TAFA1: variants seen among roughly 807,000 people sequenced by gnomAD.
TAFA1 encodes the protein chemokine-like protein TAFA-1.
A neutral mutation model predicts 18.5 loss-of-function variants in TAFA1; 4 were observed. The observed-to-expected ratio is 0.22, with a 90% CI of 0.11 to 0.49. The LOEUF is 0.49. Ranked by LOEUF, TAFA1 falls within the 20% of genes least tolerant of loss-of-function variation. TAFA1 has a pLI of 0.98. For synonymous variants in TAFA1, 56 were observed against 55.2 expected, an observed-to-expected ratio of 1.01 and a Z score of -0.06; for missense variants, 147 against 169.0, an observed-to-expected ratio of 0.87 and a Z score of 0.72.
At chr3:68,458,959 A>G (rs1014710604) in intron 3 of TAFA1, among the ~76,000 whole-genome samples, 1 of 152,144 alleles carries the variant, frequency 6.6e-6, no homozygotes, top group South Asian at 2.1e-4. Flanking sequence ...CATCTGTGGG[A>G]GAGGCAGGGC....
At chr3:68,469,328 A>G (rs1434087522) in intron 3 of TAFA1, among the ~76,000 whole-genome samples, 1 of 152,118 alleles carries the variant, frequency 6.6e-6, no homozygotes, top group Non-Finnish European at 1.5e-5. Flanking sequence ...AGTATAATTC[A>G]TCTCCCATTT....
rs72923458 is a variant in TAFA1, at chr3:68,516,551, T to C, written c.260-22205T>C. Among the ~76,000 whole-genome samples, 977 of 152,318 alleles carry C rather than the reference T, an allele frequency of 6.4e-3. 10 individuals carry two copies. The highest frequency in any genetic ancestry group is 0.023 in the African/African-American group (936 of 41,572). ...GCTTAGTTCTTGAATTGGATCTAAATAAAAGTGATCTTGGATTGAAAGCTA... is the reference window on the plus strand; with the variant it reads ...GCTTAGTTCTTGAATTGGATCTAAACAAAAGTGATCTTGGATTGAAAGCTA... On this transcript the variant is annotated intron_variant, in intron 3 of 4. Coordinates refer to ENST00000478136, the MANE Select transcript of TAFA1 (RefSeq NM_213609.4).
chr3:68,111,522 G>A (rs2065261654), intron 2 of TAFA1, among the ~76,000 whole-genome samples: 1 of 151,986 alleles, frequency 6.6e-6, no homozygotes, highest in Non-Finnish European at 1.5e-5. Context: ...AATTAATTAT[G>A]AATATAAATG....
intron 2 of TAFA1, among the ~76,000 whole-genome samples, chr3:68,155,971 G>A (rs532529088): frequency 6.6e-6 from 1 of 152,158 alleles, no homozygotes; most frequent in East Asian, 1.9e-4. Context: ...GCAGGCAGGT[G>A]GTTGCAATAA....
rs1223472373 is a variant in TAFA1, at chr3:68,049,677, T to C, written c.118+42933T>C. On this transcript the variant is annotated intron_variant, in intron 2 of 4. Coordinates refer to ENST00000478136, the MANE Select transcript of TAFA1 (RefSeq NM_213609.4). ...GCAAAGGAGGTGTACAGATGTTAATTTCTACGACTGGAGAGAGGAAAGTTT... is the reference window on the plus strand; with the variant it reads ...GCAAAGGAGGTGTACAGATGTTAATCTCTACGACTGGAGAGAGGAAAGTTT... Among the ~76,000 whole-genome samples, 6 of 151,764 alleles carry C rather than the reference T, an allele frequency of 4.0e-5. No homozygotes were observed. The East Asian group carries it at 1.2e-3, about 30-fold the overall frequency.
chr3:68,062,136 T>C (rs1575596801), intron 2 of TAFA1, among the ~76,000 whole-genome samples: 2 of 152,338 alleles, frequency 1.3e-5, no homozygotes, highest in South Asian at 4.1e-4. Flanking sequence ...TCTTTAATAA[T>C]CTTATTTTTG....
At chr3:68,431,225 G>A (rs1209142208) in intron 3 of TAFA1, among the ~76,000 whole-genome samples, 1 of 151,920 alleles carries the variant, frequency 6.6e-6, no homozygotes, top group African/African-American at 2.4e-5. Flanking sequence ...AGAGATGATG[G>A]AGAAATGGCT....
intron 2 of TAFA1, among the ~76,000 whole-genome samples, chr3:68,306,210 A>G (rs1456161759): frequency 6.6e-6 from 1 of 152,198 alleles, no homozygotes; most frequent in African/African-American, 2.4e-5. Context: ...CTAGTGTGTG[A>G]CCTTCATGGT....
chr3:68,396,361 T>A (rs1337284285), intron 2 of TAFA1, among the ~76,000 whole-genome samples: 1 of 152,164 alleles, frequency 6.6e-6, no homozygotes, highest in African/African-American at 2.4e-5. Flanking sequence ...TCCAGAAGTA[T>A]CCCTGGTGTC....
At chr3:68,384,096 G>A (rs552902680) in intron 2 of TAFA1, among the ~76,000 whole-genome samples, 1 of 151,980 alleles carries the variant, frequency 6.6e-6, no homozygotes, top group South Asian at 2.1e-4. Context: ...CTAGCTAGTG[G>A]TAGAGGTATT....
intron 2 of TAFA1, among the ~76,000 whole-genome samples, chr3:68,045,220 T>G (rs900430720): frequency 3.3e-5 from 5 of 151,962 alleles, no homozygotes; most frequent in African/African-American, 9.7e-5. Flanking sequence ...AGAGGAGCAA[T>G]AGGGGAAAAA....
intron 3 of TAFA1, among the ~76,000 whole-genome samples, chr3:68,418,596 A>C (rs1399569976): frequency 6.9e-6 from 1 of 144,054 alleles, no homozygotes; most frequent in Non-Finnish European, 1.5e-5. Context: ...TGTACGTGCA[A>C]GTCACAGGGG....
intron 2 of TAFA1, among the ~76,000 whole-genome samples, chr3:68,220,825 T>C (rs934040431): frequency 3.9e-5 from 6 of 152,142 alleles, no homozygotes; most frequent in Non-Finnish European, 7.4e-5. Context: ...TCACTCACAG[T>C]ATTCTTGAGT....
chr3:68,377,181 C>A (rs1265262932), intron 2 of TAFA1, among the ~76,000 whole-genome samples: 4 of 152,048 alleles, frequency 2.6e-5, no homozygotes, highest in Non-Finnish European at 2.9e-5. Context: ...TAAATAGATA[C>A]TTGAAAATAT....
intron 2 of TAFA1, among the ~76,000 whole-genome samples, chr3:68,153,568 G>A (rs571732804): frequency 9.9e-5 from 15 of 152,196 alleles, no homozygotes; most frequent in East Asian, 5.8e-4. Context: ...TCACAGACTC[G>A]TTTTATTTTA....
intron 2 of TAFA1, among the ~76,000 whole-genome samples, chr3:68,169,319 GC>G (rs1232115878): frequency 1.3e-5 from 2 of 152,212 alleles, no homozygotes; most frequent in Admixed American, 6.5e-5. Context: ...AGGAACTGAG[GC>G]CCTTGAATAA....
intron 2 of TAFA1, among the ~76,000 whole-genome samples, chr3:68,070,564 A>T (rs577831833): frequency 6.6e-6 from 1 of 152,316 alleles, no homozygotes; most frequent in East Asian, 1.9e-4. Context: ...CTAGTTACTT[A>T]TGTAAATTTC....
chr3:68,067,830 T>C (rs955927037), intron 2 of TAFA1, among the ~76,000 whole-genome samples: 5 of 152,156 alleles, frequency 3.3e-5, no homozygotes, highest in African/African-American at 1.2e-4. Flanking sequence ...TGACACGATG[T>C]TGAATGAGAC....
Position 68,282,393 on chromosome 3 carries a change from T to A in TAFA1, c.119-134887T>A, listed in dbSNP as rs76482885. On this transcript the variant is annotated intron_variant, in intron 2 of 4. Transcript: ENST00000478136. ...TTGTGCATAATCCTTCCAATGACTT[T>A]GTGGAGTTGTGACAGTAAATGTGTC... 8.0e-5 allele frequency among the ~76,000 whole-genome samples: 12 copies of A among 150,650 alleles called. No individual in the cohort carries two copies. In the East Asian group the frequency reaches 2.4e-3, roughly 30 times the overall value.
Sources: gnomAD v4.1 joint callset for allele counts (sites outside exome capture counted in the v4.1 genomes callset) on GRCh38, gnomAD v4.1.1 for gene constraint, MANE v1.5 for transcripts, NCBI Gene and HGNC (gene_info 2026-07-23, HGNC 2026-07-21) for gene names.